Variants in TG observed in about 807,000 individuals in gnomAD.
TG encodes the protein thyroglobulin.
Under a neutral mutation model 324.7 loss-of-function variants are expected in TG, and 270 were observed. The ratio of observed to expected loss-of-function variants is 0.83; its 90% confidence interval spans 0.75 to 0.92. TG has a LOEUF of 0.92. Ranked by LOEUF, TG falls within the 40% of genes least tolerant of loss-of-function variation. The pLI is 0.00. For synonymous variants in TG, 1,401 were observed against 1,327.0 expected (o/e 1.06, Z -1.21); for missense variants, 3,591 against 3,456.4 (o/e 1.04, Z -0.98).
intron 41 of TG, chr8:133,037,257 TC>T (rs1389847805): frequency 6.6e-6 from 1 of 152,192 alleles, no homozygotes; most frequent in Non-Finnish European, 1.5e-5. Flanking sequence ...CTTCTCCTTC[TC>T]TGGCTATACA....
At chr8:133,128,814 C>T (rs1851736175) in intron 45 of TG, among the ~76,000 whole-genome samples, 1 of 152,200 alleles carries the variant, frequency 6.6e-6, no homozygotes, top group Non-Finnish European at 1.5e-5. Context: ...TCCAGGCTGA[C>T]CATATACTGA....
rs1815598312 is a variant in TG at position 132,887,542 on chromosome 8, A to G, written c.2170A>G (p.Lys724Glu). The change falls in exon 9 of 48, where the codon AAG (lysine) becomes GAG (glutamate). Residue 724 changes from lysine to glutamate, a missense_variant. Lys to Glu is a moderately conservative substitution (Grantham distance 56). Coordinates refer to ENST00000220616, the MANE Select transcript of TG (RefSeq NM_003235.5). Reference sequence around the variant, plus strand: ...AACTCGAAGTGCAATAGGGAAGCCCAAGAAATGTAAGTCTGTTGGGTATTC... The same window carrying G: ...AACTCGAAGTGCAATAGGGAAGCCCGAGAAATGTAAGTCTGTTGGGTATTC... ...PGTRSAIGKP[K>E]KCPTPCQLQS... 1 of 1,614,230 alleles carries G rather than the reference A, an allele frequency of 6.2e-7. No homozygotes were observed. The highest frequency in any genetic ancestry group is 2.2e-5 in the East Asian group (1 of 44,886).
intron 35 of TG, among the ~76,000 whole-genome samples, chr8:133,010,417 C>A (rs989446914): frequency 6.6e-6 from 1 of 152,160 alleles, no homozygotes; most frequent in Non-Finnish European, 1.5e-5. Context: ...TTAAAGGACA[C>A]ACTACTGTGG....
In TG at chr8:132,919,452, A is replaced by T; in HGVS notation, c.4455A>T (p.Ala1485=). Reference sequence around the variant, plus strand: ...CTGTTGGATTCTACCAAGAACAGGCAGGGAGCTTGGCCTGTGTCCCATGTC... The same window carrying T: ...CTGTTGGATTCTACCAAGAACAGGCTGGGAGCTTGGCCTGTGTCCCATGTC... ...PCPVGFYQEQ[A]GSLACVPCPV... The change falls in exon 21 of 48, where the codon GCA becomes GCT. Residue 1485 remains alanine, a synonymous_variant. Transcript: ENST00000220616. 6.2e-7 allele frequency: 1 copy of T among 1,614,148 alleles called. No individual in the cohort carries two copies. The highest frequency in any genetic ancestry group is 2.2e-5 in the East Asian group (1 of 44,892).
At chr8:133,091,572 GT>G (rs1406601988) in intron 41 of TG, among the ~76,000 whole-genome samples, 1 of 152,132 alleles carries the variant, frequency 6.6e-6, no homozygotes, top group Admixed American at 6.5e-5. Flanking sequence ...CTTTGTGTGT[GT>G]GTTTGTGTGT....
intron 28 of TG, 142 bp from the exon 29 acceptor site, chr8:132,962,852 G>A: frequency 1.3e-6 from 1 of 779,822 alleles, no homozygotes; most frequent in Non-Finnish European, 2.4e-6. Context: ...GCAGATCCAT[G>A]TCAGGGCATC....
chr8:132,896,894 C>G (rs553267723), intron 11 of TG, among the ~76,000 whole-genome samples: 16 of 152,222 alleles, frequency 1.1e-4, no homozygotes, highest in African/African-American at 3.6e-4. Context: ...TGTGCAAAGC[C>G]CAGTGGGTCG....
intron 27 of TG, among the ~76,000 whole-genome samples, chr8:132,959,973 T>C (rs1214410687): frequency 2.0e-5 from 3 of 152,204 alleles, no homozygotes; most frequent in Non-Finnish European, 4.4e-5. Flanking sequence ...AAACAGAAAC[T>C]AGGAACCCAT....
chr8:132,868,232 T>C lies in TG; in HGVS notation c.176+9T>C, dbSNP rs746855569. The C allele has an allele frequency of 3.7e-5, 59 of 1,613,144 alleles. No individual in the cohort carries two copies. The African/African-American group carries it at 7.5e-4, about 20-fold the overall frequency. On this transcript the variant is annotated intron_variant, in intron 2 of 47. Coordinates refer to ENST00000220616, the MANE Select transcript of TG (RefSeq NM_003235.5). ...GAGGATGGCAGCTTCCAGTAAGGCTTATGTCAGCAGCGAACTCTCAAGGTC... is the reference window on the plus strand; with the variant it reads ...GAGGATGGCAGCTTCCAGTAAGGCTCATGTCAGCAGCGAACTCTCAAGGTC...
At chr8:132,985,881 T>A (rs939522966) in intron 35 of TG, among the ~76,000 whole-genome samples, 1 of 152,150 alleles carries the variant, frequency 6.6e-6, no homozygotes, top group Non-Finnish European at 1.5e-5. Context: ...TTTCCTTTTT[T>A]CCTTGTTCTT....
intron 11 of TG, among the ~76,000 whole-genome samples, chr8:132,896,897 G>C (rs1452369967): frequency 6.6e-6 from 1 of 152,204 alleles, no homozygotes; most frequent in Non-Finnish European, 1.5e-5. Flanking sequence ...GCAAAGCCCA[G>C]TGGGTCGGGG....
At chr8:132,885,326 A>G (rs2132149346) in intron 8 of TG, among the ~76,000 whole-genome samples, 1 of 152,272 alleles carries the variant, frequency 6.6e-6, no homozygotes, top group South Asian at 2.1e-4. Context: ...GGCTGAGCTG[A>G]TCACTGTTAA....
At chr8:133,024,970 A>G (rs147642430) in intron 40 of TG, among the ~76,000 whole-genome samples, 1 of 152,316 alleles carries the variant, frequency 6.6e-6, no homozygotes, top group African/African-American at 2.4e-5. Context: ...CTGGGTATAT[A>G]CCCACAGGAT....
Position 132,901,531 on chromosome 8 carries a change from C to G in TG, c.3612C>G (p.Thr1204=), listed in dbSNP as rs201353324. ...SGEEVPGTRV[T]GGQPACESPR... is the part of the protein sequence containing the mutation. ...AAGAGGTGCCTGGGACGCGCGTGAC[C>G]GGGGGCCAGCCCGCCTGTGAGAGTA... Residue 1204 remains threonine (T), a synonymous_variant, in exon 16 of 48, where the codon ACC becomes ACG. Transcript: ENST00000220616. 6.2e-7 allele frequency: 1 copy of G among 1,613,194 alleles called. No individual in the cohort carries two copies. The highest frequency in any genetic ancestry group is 1.7e-5 in the Admixed American group (1 of 60,022).
intron 35 of TG, among the ~76,000 whole-genome samples, chr8:133,010,348 C>T (rs1212761285): frequency 6.6e-6 from 1 of 152,182 alleles, no homozygotes; most frequent in African/African-American, 2.4e-5. Context: ...CTTCAAAGTG[C>T]TATGCTTGTG....
intron 41 of TG, chr8:133,074,796 T>C: frequency 1.1e-6 from 1 of 948,788 alleles, no homozygotes; most frequent in African/African-American, 1.8e-5. Flanking sequence ...CAACTGCGTG[T>C]TGAAGAGGCC....
intron 21 of TG, among the ~76,000 whole-genome samples, chr8:132,920,980 C>T (rs853302): frequency 0.41 from 61,887 of 152,134 alleles, 15,385 homozygotes; most frequent in Admixed American, 0.53. Context: ...AGTGTGCCCA[C>T]ATGATTGGGT....
At chr8:132,994,815 G>A in intron 35 of TG, 3 of 1,286,682 alleles carry the variant, frequency 2.3e-6, no homozygotes, top group Non-Finnish European at 2.0e-6. Context: ...GTGAGATGGG[G>A]AAAGAGGAGA....
chr8:133,041,784 GT>G lies in TG; in HGVS notation c.7239+11784del, dbSNP rs529937626. Among the ~76,000 whole-genome samples, 401 of 124,390 alleles carry G rather than the reference GT, an allele frequency of 3.2e-3. 2 individuals carry two copies. The highest frequency in any genetic ancestry group is 0.023 in the East Asian group (96 of 4,212). 81.6% of individuals were successfully genotyped at this position (124,390 alleles called of 152,430 possible). On this transcript the variant is annotated intron_variant, in intron 41 of 47. Transcript: ENST00000220616. ...TGAGGCCTTGATCAGCTTGTGGTCAGTTTTTTTTTTTTTTTTTTTTTTTAGA... is the reference window on the plus strand; with the variant it reads ...TGAGGCCTTGATCAGCTTGTGGTCAGTTTTTTTTTTTTTTTTTTTTTTAGA...
Sources: allele counts gnomAD v4.1 joint callset (sites outside exome capture counted in the v4.1 genomes callset), GRCh38; gene constraint gnomAD v4.1.1; transcripts MANE v1.5; gene names NCBI Gene and HGNC (gene_info 2026-07-23, HGNC 2026-07-21).